The following TNIK variants were observed in gnomAD, a reference collection of about 807,000 sequenced individuals.
TNIK encodes the protein TRAF2 and NCK-interacting protein kinase.
TNIK carries 49 observed loss-of-function variants against 191.3 expected under a neutral mutation model. That is an observed-to-expected ratio of 0.26 (90% CI 0.20 to 0.32). The LOEUF (loss-of-function observed/expected upper bound fraction) is 0.32, where lower values mean the gene tolerates loss of function less well. Ranked by LOEUF, TNIK falls within the 10% of genes least tolerant of loss-of-function variation. The pLI is 1.00. For missense variants in TNIK, 1,155 were observed against 1,702.3 expected (o/e 0.68, Z 5.66); for synonymous variants, 594 against 600.9 (o/e 0.99, Z 0.17).
intron 28 of TNIK, among the ~76,000 whole-genome samples, chr3:171,074,739 G>T (rs1306631739): frequency 1.3e-5 from 2 of 151,970 alleles, no homozygotes; most frequent in African/African-American, 4.8e-5. Flanking sequence ...AATTTCACAA[G>T]AATTTGAACA....
chr3:171,232,839 A>G (rs1743824665), intron 2 of TNIK, among the ~76,000 whole-genome samples: 1 of 152,190 alleles, frequency 6.6e-6, no homozygotes, highest in Admixed American at 6.5e-5. Context: ...AATCCAAATC[A>G]CTCAAGTACG....
chr3:171,196,112 A>G (rs1200351061), intron 4 of TNIK, among the ~76,000 whole-genome samples: 1 of 152,182 alleles, frequency 6.6e-6, no homozygotes, highest in Non-Finnish European at 1.5e-5. Flanking sequence ...GAGCTGACAA[A>G]TAAAAGGAAA....
chr3:171,235,492 T>TA (rs568899232), intron 2 of TNIK, among the ~76,000 whole-genome samples: 58 of 152,270 alleles, frequency 3.8e-4, no homozygotes, highest in Non-Finnish European at 3.2e-4. Flanking sequence ...TAGCCTTCCC[T>TA]ATCCCCTGAA....
intron 9 of TNIK, among the ~76,000 whole-genome samples, chr3:171,169,156 T>C (rs1329659728): frequency 1.3e-5 from 2 of 152,172 alleles, no homozygotes; most frequent in Non-Finnish European, 2.9e-5. Context: ...AAATCAGTAT[T>C]AAAAAGATGA....
intron 2 of TNIK, among the ~76,000 whole-genome samples, chr3:171,297,438 T>A (rs1374036119): frequency 9.2e-5 from 14 of 152,196 alleles, no homozygotes; most frequent in Non-Finnish European, 2.1e-4. Flanking sequence ...AACTGCTGGT[T>A]TCCCTCAAGT....
intron 1 of TNIK, among the ~76,000 whole-genome samples, chr3:171,422,291 G>T (rs1723912211): frequency 6.6e-6 from 1 of 151,974 alleles, no homozygotes; most frequent in Admixed American, 6.6e-5. Flanking sequence ...TATTAATAAA[G>T]TAGTAAAAGA....
intron 12 of TNIK, among the ~76,000 whole-genome samples, chr3:171,144,115 T>C (rs1363760107): frequency 6.6e-6 from 1 of 152,256 alleles, no homozygotes; most frequent in Non-Finnish European, 1.5e-5. Flanking sequence ...TCTAAAACTG[T>C]TGGCAGATTC....
Position 171,446,994 on chromosome 3 carries a change from C to T in TNIK, c.57+13013G>A, listed in dbSNP as rs148449468. ...TCACCTGAGGTCAGGGGTTTGAGAC[C>T]AGCCTGGCCAACACAGTTAAACCTT... On this transcript the variant is annotated intron_variant, in intron 1 of 32. Transcript: ENST00000436636. Among the ~76,000 whole-genome samples the T allele has an allele frequency of 7.9e-3, 1,204 of 152,234 alleles. 18 individuals carry two copies. The highest frequency in any genetic ancestry group is 0.027 in the African/African-American group (1,140 of 41,540).
intron 12 of TNIK, among the ~76,000 whole-genome samples, chr3:171,154,550 A>C (rs2108697391): frequency 6.6e-6 from 1 of 152,348 alleles, no homozygotes; most frequent in East Asian, 1.9e-4. Context: ...ATCATTTCAG[A>C]ACTCTTGAGC....
At chr3:171,125,461 A>G (rs1576895231) in intron 17 of TNIK, among the ~76,000 whole-genome samples, 1 of 152,344 alleles carries the variant, frequency 6.6e-6, no homozygotes, top group East Asian at 1.9e-4. Flanking sequence ...AAAATATCCT[A>G]AGAACAATAC....
chr3:171,256,046 C>T (rs1191735948), intron 2 of TNIK, among the ~76,000 whole-genome samples: 1 of 152,068 alleles, frequency 6.6e-6, no homozygotes, highest in East Asian at 1.9e-4. Context: ...ATAAGACGAC[C>T]ATTTACTACT....
At chr3:171,275,141 A>T (rs888978898) in intron 2 of TNIK, among the ~76,000 whole-genome samples, 1 of 152,196 alleles carries the variant, frequency 6.6e-6, no homozygotes, top group African/African-American at 2.4e-5. Flanking sequence ...ACATACAAAA[A>T]GAAATTTGGA....
chr3:171,222,376 T>C (rs1742460447), intron 3 of TNIK, among the ~76,000 whole-genome samples: 1 of 151,992 alleles, frequency 6.6e-6, no homozygotes, highest in Admixed American at 6.6e-5. Context: ...ATGGACGTTG[T>C]TTTAAGGATT....
intron 2 of TNIK, among the ~76,000 whole-genome samples, chr3:171,312,245 A>C (rs536424173): frequency 2.7e-3 from 416 of 152,046 alleles, no homozygotes; most frequent in African/African-American, 9.4e-3. Flanking sequence ...AAGATTAATA[A>C]AAGTTATCTC....
At chr3:171,095,847 G>A (rs934951071) in intron 22 of TNIK, among the ~76,000 whole-genome samples, 6 of 152,076 alleles carry the variant, frequency 3.9e-5, no homozygotes, top group Non-Finnish European at 7.4e-5. Context: ...TTCCAAAGAG[G>A]CATTTTCATT....
chr3:171,375,347 A>G (rs1321957731), intron 1 of TNIK, among the ~76,000 whole-genome samples: 1 of 152,222 alleles, frequency 6.6e-6, no homozygotes, highest in Non-Finnish European at 1.5e-5. Flanking sequence ...AGCCAATAAA[A>G]CTAATCTGGC....
intron 9 of TNIK, among the ~76,000 whole-genome samples, chr3:171,173,870 G>A (rs535847812): frequency 6.6e-6 from 1 of 152,212 alleles, no homozygotes; most frequent in African/African-American, 2.4e-5. Context: ...CACTTCCAGG[G>A]AAGAGAACTG....
At chr3:171,315,394 ATACTC>A (rs930264361) in intron 2 of TNIK, among the ~76,000 whole-genome samples, 1 of 152,078 alleles carries the variant, frequency 6.6e-6, no homozygotes, top group African/African-American at 2.4e-5. Flanking sequence ...AGCAAACACA[ATACTC>A]TATTCATTCT....
chr3:171,194,794 T>G (rs1265292566), intron 4 of TNIK, among the ~76,000 whole-genome samples, 159 bp from the exon 5 acceptor site: 2 of 152,206 alleles, frequency 1.3e-5, no homozygotes. Context: ...TTTACCTTCA[T>G]GTACTCCCAA....
Sources: allele counts gnomAD v4.1 joint callset (sites outside exome capture counted in the v4.1 genomes callset), GRCh38; gene constraint gnomAD v4.1.1; transcripts MANE v1.5; gene names NCBI Gene and HGNC (gene_info 2026-07-23, HGNC 2026-07-21).